The following FAM171A1 variants were observed in gnomAD, a reference collection of about 807,000 sequenced individuals.
The protein encoded by FAM171A1 is family with sequence similarity 171 member A1.
A neutral mutation model predicts 74.9 loss-of-function variants in FAM171A1; 23 were observed. That is an observed-to-expected ratio of 0.31 (90% CI 0.22 to 0.44). The LOEUF (loss-of-function observed/expected upper bound fraction) is 0.44. FAM171A1 is among the 20% of genes least tolerant of loss of function. The pLI is 1.00. For synonymous variants in FAM171A1, 527 were observed against 505.7 expected (o/e 1.04, Z -0.57); for missense variants, 1,162 against 1,159.2 (o/e 1.00, Z -0.03).
chr10:15,214,679 C>T, intron 7 of FAM171A1, 78 bp from the exon 8 acceptor site: 1 of 1,482,582 alleles, frequency 6.7e-7, no homozygotes, highest in South Asian at 1.4e-5. Flanking sequence ...AGGTAAAATC[C>T]TAATTCTCAA....
At chr10:15,282,777 T>C (rs1440370400) in intron 2 of FAM171A1, among the ~76,000 whole-genome samples, 1 of 152,158 alleles carries the variant, frequency 6.6e-6, no homozygotes, top group Non-Finnish European at 1.5e-5. Context: ...AGTGGCACCA[T>C]CTCAGCTCAC....
chr10:15,269,183 G>A (rs185530879), intron 3 of FAM171A1, among the ~76,000 whole-genome samples: 8 of 152,202 alleles, frequency 5.3e-5, no homozygotes, highest in East Asian at 3.9e-4. Context: ...ATACGATCAC[G>A]GTTCACTGCA....
rs1442974570 is a variant in FAM171A1, at chr10:15,234,091, A to C, written c.755-13031T>G. ...TTTGCCCAAGGACGGGCCCTCTCCT[A>C]ACATTTACAGAACTTGAGAAGTTTC... On this transcript the variant is annotated intron_variant, in intron 5 of 7. Transcript: ENST00000378116. 2.6e-5 allele frequency among the ~76,000 whole-genome samples: 4 copies of C among 152,284 alleles called. 1 individual carries two copies. The East Asian group carries it at 7.7e-4, about 29-fold the overall frequency.
intron 1 of FAM171A1, among the ~76,000 whole-genome samples, chr10:15,352,328 T>G (rs981897392): frequency 1.3e-5 from 2 of 152,180 alleles, no homozygotes; most frequent in Admixed American, 6.5e-5. Flanking sequence ...TGTTAGTCCA[T>G]TCTCTCATGG....
Position 15,214,564 on chromosome 10 carries a change from G to T in FAM171A1, c.1024C>A (p.Leu342Met), listed in dbSNP as rs76394384. 15 of 1,611,734 alleles carry T rather than the reference G, an allele frequency of 9.3e-6. No homozygotes were observed. Among genetic ancestry groups the T allele is most frequent in the Non-Finnish European group, 1.3e-5 (15 of 1,178,798 alleles). ...CTCTCCAGTCCTGCAGGGAGCTGCA[G>T]TTTTCTGTGGTGCTGACGAGGTTTC... ...CLKPRQHHRKLQLPAGLESSK... is the reference protein window; with the variant it reads ...CLKPRQHHRKMQLPAGLESSK... Residue 342 changes from leucine (L) to methionine (M), a missense_variant, in exon 8 of 8, where the codon CTG becomes ATG. Physicochemically the swap from Leu to Met is conservative, Grantham distance 15 (BLOSUM62 2). Coordinates refer to ENST00000378116, the MANE Select transcript of FAM171A1 (RefSeq NM_001010924.2).
chr10:15,228,756 G>C (rs1834142949), intron 5 of FAM171A1, among the ~76,000 whole-genome samples: 1 of 152,182 alleles, frequency 6.6e-6, no homozygotes, highest in Non-Finnish European at 1.5e-5. Context: ...GACTTCCCTG[G>C]ATTGACATGA....
At chr10:15,246,072 T>C (rs1834429514) in intron 5 of FAM171A1, among the ~76,000 whole-genome samples, 1 of 152,136 alleles carries the variant, frequency 6.6e-6, no homozygotes, top group African/African-American at 2.4e-5. Flanking sequence ...CACCATGACC[T>C]TGATGCCCCC....
At position 15,289,751 on chromosome 10, in the gene FAM171A1, T is replaced by C. The variant is rs191138653; in HGVS notation, c.98-5646A>G. On this transcript the variant is annotated intron_variant, in intron 1 of 7. Coordinates refer to ENST00000378116, the MANE Select transcript of FAM171A1 (RefSeq NM_001010924.2). Reference sequence around the variant, plus strand: ...TGCCCTCAGGCCAAATGTGGCCTGCTGCCTGCTTTTGTATACAGTCCATGA... The same window carrying C: ...TGCCCTCAGGCCAAATGTGGCCTGCCGCCTGCTTTTGTATACAGTCCATGA... Among the ~76,000 whole-genome samples, 75 of 152,370 alleles carry C rather than the reference T, an allele frequency of 4.9e-4. No homozygotes were observed. The Middle Eastern group carries it at 0.01, about 21-fold the overall frequency.
intron 1 of FAM171A1, among the ~76,000 whole-genome samples, chr10:15,333,169 G>A (rs1209570393): frequency 2.6e-5 from 4 of 152,146 alleles, no homozygotes; most frequent in Non-Finnish European, 5.9e-5. Context: ...GGCTTCTAGC[G>A]TTTGGGTCCT....
chr10:15,327,651 T>C (rs1352347271), intron 1 of FAM171A1, among the ~76,000 whole-genome samples: 1 of 125,086 alleles, frequency 8.0e-6, no homozygotes, highest in Non-Finnish European at 1.8e-5. Context: ...ACTCTGTCTC[T>C]AAATAAATAA....
intron 1 of FAM171A1, among the ~76,000 whole-genome samples, chr10:15,357,706 A>C (rs984834174): frequency 7.2e-5 from 11 of 152,234 alleles, no homozygotes; most frequent in Admixed American, 5.2e-4. Flanking sequence ...TGCCTGAGAC[A>C]CACTTTAAAA....
intron 7 of FAM171A1, 132 bp downstream of exon 7, chr10:15,215,864 T>C (rs972559527): frequency 1.5e-5 from 9 of 592,466 alleles, no homozygotes; most frequent in Non-Finnish European, 2.6e-5. Context: ...TCTTACTTTT[T>C]CATGGGAAGA....
chr10:15,233,927 T>C (rs1481612116), intron 5 of FAM171A1, among the ~76,000 whole-genome samples: 1 of 138,016 alleles, frequency 7.2e-6, no homozygotes, highest in Non-Finnish European at 1.6e-5. Flanking sequence ...AACCACGACA[T>C]CAAAAATGTG....
At chr10:15,254,558 G>A (rs548204693) in intron 4 of FAM171A1, among the ~76,000 whole-genome samples, 163 bp downstream of exon 4, 1 of 152,168 alleles carries the variant, frequency 6.6e-6, no homozygotes, top group Non-Finnish European at 1.5e-5. Flanking sequence ...TCGTACCGAC[G>A]TAACACAGTT....
At chr10:15,308,287 C>T (rs1835320932) in intron 1 of FAM171A1, among the ~76,000 whole-genome samples, 1 of 152,176 alleles carries the variant, frequency 6.6e-6, no homozygotes, top group South Asian at 2.1e-4. Flanking sequence ...CATATACTCT[C>T]ATGTCAGAAA....
chr10:15,263,869 A>G (rs1470386717), intron 3 of FAM171A1, among the ~76,000 whole-genome samples: 2 of 141,554 alleles, frequency 1.4e-5, no homozygotes, highest in East Asian at 2.1e-4. Context: ...CTATCTATCT[A>G]TCTATCTATC....
intron 2 of FAM171A1, among the ~76,000 whole-genome samples, chr10:15,277,111 A>C (rs938592761): frequency 1.7e-4 from 26 of 152,376 alleles, no homozygotes; most frequent in African/African-American, 5.5e-4. Context: ...ATAGAATAAT[A>C]ATCATCACTC....
chr10:15,270,375 C>CT (rs1564628792), intron 3 of FAM171A1, among the ~76,000 whole-genome samples: 22 of 152,168 alleles, frequency 1.4e-4, no homozygotes, highest in African/African-American at 5.3e-4. Flanking sequence ...AACAAAATGG[C>CT]TGGGAAGCTC....
chr10:15,273,653 G>A (rs577430053), intron 3 of FAM171A1, among the ~76,000 whole-genome samples: 28 of 152,232 alleles, frequency 1.8e-4, no homozygotes, highest in Middle Eastern at 6.8e-3. Context: ...CTGGCAAACC[G>A]AATCCAGCAG....
Sources: allele counts gnomAD v4.1 joint callset (sites outside exome capture counted in the v4.1 genomes callset), GRCh38; gene constraint gnomAD v4.1.1; transcripts MANE v1.5; gene names NCBI Gene and HGNC (gene_info 2026-07-23, HGNC 2026-07-21).